The following CACNB2 variants were observed in gnomAD, a reference collection of about 807,000 sequenced individuals.
The protein encoded by CACNB2 is voltage-dependent L-type calcium channel subunit beta-2.
In CACNB2, 42 loss-of-function variants were observed where a neutral mutation model predicts 73.3. That is an observed-to-expected ratio of 0.57 (90% confidence interval 0.45 to 0.74). The LOEUF (loss-of-function observed/expected upper bound fraction) is 0.74, where lower values mean the gene tolerates loss of function less well. CACNB2 is among the 30% of genes least tolerant of loss of function. CACNB2 has a pLI of 0.00. For synonymous variants in CACNB2, 348 were observed against 310.3 expected (o/e 1.12, Z -1.28); for missense variants, 940 against 853.0 (o/e 1.10, Z -1.27).
At chr10:18,236,726 C>T (rs1458889700) in intron 2 of CACNB2, among the ~76,000 whole-genome samples, 2 of 152,136 alleles carry the variant, frequency 1.3e-5, no homozygotes, top group Admixed American at 6.6e-5. Context: ...TGCCATTTAC[C>T]CCTACCTGCC....
At chr10:18,374,034 G>C (rs989359908) in intron 2 of CACNB2, among the ~76,000 whole-genome samples, 14 of 152,134 alleles carry the variant, frequency 9.2e-5, no homozygotes, top group African/African-American at 3.4e-4. Flanking sequence ...TACTGATTTA[G>C]AGAAAAAATA....
chr10:18,411,154 C>T (rs2044604928), intron 3 of CACNB2, among the ~76,000 whole-genome samples: 1 of 152,076 alleles, frequency 6.6e-6, no homozygotes, highest in African/African-American at 2.4e-5. Flanking sequence ...AAGCATGTAC[C>T]TTTCAAGTAT....
rs1422234805 is a variant in CACNB2 at position 18,140,794 on chromosome 10, G to C, written c.58G>C (p.Glu20Gln). ...PPTAAAAVAQ[E>Q]IQMELLENVA... ...CACAGCGGCGGCGGCGGTGGCGCAG[G>C]AGATCCAGATGGAACTGCTAGAGAA... The change falls in exon 1 of 14, where the codon GAG becomes CAG. Residue 20 changes from glutamate (E) to glutamine (Q), a missense_variant. By Grantham distance (29) the Glu-to-Gln change is conservative (BLOSUM62 2). Transcript: ENST00000324631. 6.2e-7 allele frequency: 1 copy of C among 1,602,684 alleles called. No homozygotes were observed. The highest frequency in any genetic ancestry group is 2.3e-5 in the East Asian group (1 of 44,422).
At chr10:18,225,396 G>T (rs2131415098) in intron 2 of CACNB2, among the ~76,000 whole-genome samples, 1 of 152,196 alleles carries the variant, frequency 6.6e-6, no homozygotes, top group Non-Finnish European at 1.5e-5. Context: ...AATATTAGAT[G>T]CCCCATTTTA....
intron 2 of CACNB2, among the ~76,000 whole-genome samples, chr10:18,243,400 A>G (rs1407473229): frequency 1.3e-5 from 2 of 152,178 alleles, no homozygotes; most frequent in Admixed American, 6.5e-5. Flanking sequence ...TACAGGGATC[A>G]TGCTCACGAC....
intron 2 of CACNB2, among the ~76,000 whole-genome samples, chr10:18,249,916 A>G (rs2037021387): frequency 6.6e-6 from 1 of 151,984 alleles, no homozygotes; most frequent in Admixed American, 6.6e-5. Flanking sequence ...TCCTCCCTAA[A>G]TATTTTTCTT....
chr10:18,263,097 A>G (rs2037629737), intron 2 of CACNB2, among the ~76,000 whole-genome samples: 1 of 152,198 alleles, frequency 6.6e-6, no homozygotes, highest in East Asian at 1.9e-4. Flanking sequence ...TTCTCTTGGG[A>G]AGCCTTACCT....
At chr10:18,401,864 CTT>C (rs35360963) in intron 2 of CACNB2, 58 bp from the exon 3 acceptor site, 28 of 1,585,856 alleles carry the variant, frequency 1.8e-5, no homozygotes, top group Non-Finnish European at 2.3e-5. Context: ...GTCGATGAGA[CTT>C]TTCCAATGCA....
chr10:18,397,780 A>G (rs2043792172), intron 2 of CACNB2, among the ~76,000 whole-genome samples: 1 of 152,052 alleles, frequency 6.6e-6, no homozygotes, highest in Non-Finnish European at 1.5e-5. Context: ...AAAAGCATAA[A>G]TTAATCCAGT....
intron 2 of CACNB2, among the ~76,000 whole-genome samples, chr10:18,388,943 G>A (rs1424471012): frequency 6.6e-6 from 1 of 152,066 alleles, no homozygotes; most frequent in Admixed American, 6.6e-5. Flanking sequence ...AACTACGAAG[G>A]TGAATCAATT....
chr10:18,524,812 C>T (rs116856086), intron 9 of CACNB2, among the ~76,000 whole-genome samples: 18,854 of 150,008 alleles, frequency 0.13, 1,458 homozygotes, highest in Middle Eastern at 0.23. Flanking sequence ...ACTGCTTGAG[C>T]TCAGAAGTTT....
intron 2 of CACNB2, among the ~76,000 whole-genome samples, chr10:18,177,583 A>G (rs554312909): frequency 6.6e-6 from 1 of 152,168 alleles, no homozygotes; most frequent in South Asian, 2.1e-4. Context: ...CATCTCAAAA[A>G]AAAAAAGAAG....
chr10:18,441,142 C>T lies in CACNB2; in HGVS notation c.333+39099C>T, dbSNP rs149539772. On this transcript the variant is annotated intron_variant, in intron 3 of 13. Transcript: ENST00000324631. ...CCATCCGGCTGGGTGTGGTGGCTCA[C>T]GCCTGTAATCCCAGCACTTTGGGAG... 9.0e-3 allele frequency among the ~76,000 whole-genome samples: 1,372 copies of T among 152,070 alleles called. 8 individuals carry two copies. Among genetic ancestry groups the T allele is most frequent in the Non-Finnish European group, 0.014 (937 of 67,986 alleles).
intron 3 of CACNB2, among the ~76,000 whole-genome samples, chr10:18,428,334 C>T (rs1326920089): frequency 1.3e-5 from 2 of 152,086 alleles, no homozygotes; most frequent in Non-Finnish European, 2.9e-5. Context: ...CTTATTTTGT[C>T]CTTTTTGCAT....
In CACNB2 at chr10:18,411,506, A is replaced by ATTTT. The variant is rs72400253; in HGVS notation, c.333+9480_333+9483dup. On this transcript the variant is annotated intron_variant, in intron 3 of 13. Coordinates refer to ENST00000324631, the MANE Select transcript of CACNB2 (RefSeq NM_201596.3). Reference sequence around the variant, plus strand: ...AAAGGCAAAATTTGTGTCTTTGAGCATTTTTTTTTTTTTTTTTTTTGAGAT... The same window carrying ATTTT: ...AAAGGCAAAATTTGTGTCTTTGAGCATTTTTTTTTTTTTTTTTTTTTTTTGAGAT... 1.2e-4 allele frequency among the ~76,000 whole-genome samples: 15 copies of ATTTT among 125,688 alleles called. 3 individuals carry two copies. The highest frequency in any genetic ancestry group is 2.3e-4 in the East Asian group (1 of 4,290). The allele number at this position is 125,688 out of a possible 152,430, so 82.5% of individuals were successfully genotyped here. A position where few individuals can be genotyped will look rare whatever the true frequency, so the allele number is the denominator to read the frequency against.
At chr10:18,272,202 CAAT>C (rs2038083601) in intron 2 of CACNB2, among the ~76,000 whole-genome samples, 1 of 151,952 alleles carries the variant, frequency 6.6e-6, no homozygotes, top group Non-Finnish European at 1.5e-5. Flanking sequence ...GAGTGGATCA[CAAT>C]CTTTTTTCTA....
intron 2 of CACNB2, among the ~76,000 whole-genome samples, chr10:18,294,516 A>G (rs1158057171): frequency 1.3e-5 from 2 of 152,244 alleles, no homozygotes; most frequent in Non-Finnish European, 2.9e-5. Flanking sequence ...GAGAAAGACA[A>G]AAAGCAAATA....
At chr10:18,530,333 C>G (rs752449095) in intron 10 of CACNB2, among the ~76,000 whole-genome samples, 3 of 152,036 alleles carry the variant, frequency 2.0e-5, no homozygotes, top group Non-Finnish European at 2.9e-5. Flanking sequence ...ACACAAAGTC[C>G]TCTTTCTCAT....
At chr10:18,225,934 C>T (rs1157835561) in intron 2 of CACNB2, among the ~76,000 whole-genome samples, 3 of 152,108 alleles carry the variant, frequency 2.0e-5, no homozygotes, top group South Asian at 4.2e-4. Flanking sequence ...AGCACTGGAC[C>T]TGGCCTAATT....
Sources: gnomAD v4.1 joint callset for allele counts (sites outside exome capture counted in the v4.1 genomes callset) on GRCh38, gnomAD v4.1.1 for gene constraint, MANE v1.5 for transcripts, NCBI Gene and HGNC (gene_info 2026-07-23, HGNC 2026-07-21) for gene names.